The following MMP17 variants were observed in gnomAD, a reference collection of about 807,000 sequenced individuals.
MMP17 encodes the protein matrix metallopeptidase 17.
MMP17 carries 54 observed loss-of-function variants against 49.1 expected under a neutral mutation model. That is an observed-to-expected ratio of 1.10 (90% CI 0.88 to 1.38). MMP17 has a LOEUF of 1.38. Among genes scored for constraint, MMP17 ranks in the 40% most tolerant of loss-of-function variants. The probability of loss-of-function intolerance (pLI) is 0.00; values close to 1 mark genes in which losing one functional copy is unlikely to be tolerated. For missense variants in MMP17, 837 were observed against 853.7 expected (o/e 0.98, Z 0.24); for synonymous variants, 397 against 383.1 (o/e 1.04, Z -0.42).
At position 131,841,760 on chromosome 12, in the gene MMP17, G is replaced by T. The variant is rs773988551; in HGVS notation, c.843G>T (p.Gly281=). The T allele has an allele frequency of 1.2e-6, 2 of 1,611,412 alleles. No individual in the cohort carries two copies. Among genetic ancestry groups the T allele is most frequent in the South Asian group, 1.1e-5 (1 of 90,852 alleles). ...QGPVGDPLRY[G]LPYEDKVRVW... ...CGGTGGGTGACCCGCTGCGCTACGGGCTCCCCTACGAGGACAAGGTGCGCG... is the reference window on the plus strand; with the variant it reads ...CGGTGGGTGACCCGCTGCGCTACGGTCTCCCCTACGAGGACAAGGTGCGCG... The change falls in exon 5 of 10, where the codon GGG becomes GGT. Residue 281 remains glycine, a synonymous_variant. Coordinates refer to ENST00000360564, the MANE Select transcript of MMP17 (RefSeq NM_016155.7).
chr12:131,842,908 G>A (rs1179074256), intron 5 of MMP17, among the ~76,000 whole-genome samples: 8 of 152,164 alleles, frequency 5.3e-5, no homozygotes, highest in South Asian at 4.2e-4. Flanking sequence ...AAGGAGACCC[G>A]ACGCCCATCC....
At chr12:131,831,838 C>T (rs1379288967) in intron 1 of MMP17, among the ~76,000 whole-genome samples, 2 of 12,430 alleles carry the variant, frequency 1.6e-4, no homozygotes, top group African/African-American at 4.3e-4. Flanking sequence ...TGGGGGGGGA[C>T]GGGAAGGGGG....
intron 8 of MMP17, among the ~76,000 whole-genome samples, chr12:131,848,381 C>G (rs890330044): frequency 7.2e-5 from 11 of 152,314 alleles, no homozygotes; most frequent in African/African-American, 2.6e-4. Flanking sequence ...CCACCACTCC[C>G]GGTCTGGTTT....
chr12:131,832,954 G>C (rs957728078), intron 1 of MMP17, among the ~76,000 whole-genome samples: 1 of 152,034 alleles, frequency 6.6e-6, no homozygotes, highest in African/African-American at 2.4e-5. Context: ...GTGTCCCCCA[G>C]GATGTTCCCT....
At chr12:131,840,446 G>A (rs1185246570) in intron 3 of MMP17, 127 bp from the exon 4 acceptor site, 9 of 971,880 alleles carry the variant, frequency 9.3e-6, no homozygotes, top group African/African-American at 6.5e-5. Context: ...GCGTGGGGAG[G>A]AAGGCGGAAG....
chr12:131,829,245 T>C (rs1361148095), intron 1 of MMP17, among the ~76,000 whole-genome samples: 3 of 152,168 alleles, frequency 2.0e-5, no homozygotes, highest in Non-Finnish European at 4.4e-5. Flanking sequence ...TCGGCCAGGC[T>C]GGCCCTGCCT....
intron 1 of MMP17, among the ~76,000 whole-genome samples, chr12:131,833,377 T>G (rs1886922998): frequency 6.6e-6 from 1 of 152,236 alleles, no homozygotes; most frequent in Admixed American, 6.5e-5. Context: ...TTCCTCACGA[T>G]CCCGTCTTCC....
rs778093008 is a variant in MMP17, at chr12:131,841,820, C to T, written c.883+20C>T. ...TGTACGGTGAGTGTCTCCCCGAAGC[C>T]AGACACAGGGCCCCTGGAAGAGGGG... On this transcript the variant is annotated intron_variant, in intron 5 of 9. Transcript: ENST00000360564. The T allele has an allele frequency of 6.8e-5, 106 of 1,550,848 alleles. No homozygotes were observed. Among genetic ancestry groups the T allele is most frequent in the Non-Finnish European group, 8.7e-5 (100 of 1,150,886 alleles).
rs1213834708 is a variant in MMP17 at position 131,845,103 on chromosome 12, G to A, written c.969-15G>A. 3 of 1,598,518 alleles carry A rather than the reference G, an allele frequency of 1.9e-6. No homozygotes were observed. The South Asian group carries it at 3.3e-5, about 18-fold the overall frequency. On this transcript the variant is annotated splice_polypyrimidine_tract_variant and intron_variant, in intron 6 of 9. Coordinates refer to ENST00000360564, the MANE Select transcript of MMP17 (RefSeq NM_016155.7). ...CAGGCCCCGCCTCCCAGCCCACCTG[G>A]CTCTCTCCCTGCAGGCCCAGGAAGG...
At position 131,841,787 on chromosome 12, in the gene MMP17, C is replaced by T; in HGVS notation, c.870C>T (p.Val290=). ...TCCCCTACGAGGACAAGGTGCGCGT[C>T]TGGCAGCTGTACGGTGAGTGTCTCC... is the stretch of plus-strand genomic sequence containing the variant. ...YGLPYEDKVR[V]WQLYGVRESV... is the part of the protein sequence containing the mutation. The change falls in exon 5 of 10, where the codon GTC becomes GTT. Residue 290 remains valine, a synonymous_variant. Coordinates refer to ENST00000360564, the MANE Select transcript of MMP17 (RefSeq NM_016155.7). The T allele has an allele frequency of 6.3e-7, 1 of 1,599,270 alleles. No individual in the cohort carries two copies. The highest frequency in any genetic ancestry group is 8.5e-7 in the Non-Finnish European group (1 of 1,174,318).
At position 131,838,276 on chromosome 12, in the gene MMP17, G is replaced by T; in HGVS notation, c.241G>T (p.Ala81Ser). 1.2e-6 allele frequency: 2 copies of T among 1,613,280 alleles called. No homozygotes were observed. The highest frequency in any genetic ancestry group is 8.5e-7 in the Non-Finnish European group (1 of 1,179,986). ...GCAGACGCAAGAGGAGCTGTCTAAG[G>T]CCATCACAGCCATGCAGCAGTTTGG... Reference protein sequence around the residue: ...QLQTQEELSKAITAMQQFGGL... With the variant: ...QLQTQEELSKSITAMQQFGGL... Residue 81 changes from alanine to serine, a missense_variant, in exon 2 of 10, where the codon GCC (alanine) becomes TCC (serine). By Grantham distance (99) the Ala-to-Ser change is moderately conservative (BLOSUM62 1). Coordinates refer to ENST00000360564, the MANE Select transcript of MMP17 (RefSeq NM_016155.7).
intron 1 of MMP17, among the ~76,000 whole-genome samples, chr12:131,831,833 G>GCACTGCA: frequency 1.6e-5 from 1 of 61,576 alleles, no homozygotes; most frequent in Non-Finnish European, 3.3e-5. Context: ...GGATCTGGGG[G>GCACTGCA]GGGACGGGAA....
chr12:131,829,663 G>C (rs1566079348), intron 1 of MMP17, among the ~76,000 whole-genome samples: 1 of 152,232 alleles, frequency 6.6e-6, no homozygotes, highest in Non-Finnish European at 1.5e-5. Context: ...GCCCAGCGCA[G>C]TGGACATTCA....
At position 131,850,072 on chromosome 12, in the gene MMP17, TG is replaced by T; in HGVS notation, c.1462+19del. On this transcript the variant is annotated intron_variant, in intron 9 of 9. Coordinates refer to ENST00000360564, the MANE Select transcript of MMP17 (RefSeq NM_016155.7). ...CGCTGGTCCGACGGTGAGTGCCAGC[TG>T]GGGGGACGGGCCATGCGGCCTTGGT... 1.2e-6 allele frequency: 2 copies of T among 1,600,116 alleles called. No individual in the cohort carries two copies. The highest frequency in any genetic ancestry group is 1.1e-5 in the South Asian group (1 of 90,186).
chr12:131,840,594 C>G lies in MMP17; in HGVS notation c.444C>G (p.Asp148Glu), dbSNP rs779236828. 6 of 1,596,852 alleles carry G rather than the reference C, an allele frequency of 3.8e-6. No individual in the cohort carries two copies. Residue 148 changes from aspartate to glutamate, a missense_variant, in exon 4 of 10, where the codon GAC becomes GAG. By Grantham distance (45) the Asp-to-Glu change is conservative. Coordinates refer to ENST00000360564, the MANE Select transcript of MMP17 (RefSeq NM_016155.7). ...LSWRVRTFPR[D>E]SPLGHDTVRA... ...GCAGGGTCCGGACGTTCCCACGGGA[C>G]TCACCACTGGGGCACGACACGGTGC... is the stretch of plus-strand genomic sequence containing the variant.
Position 131,843,998 on chromosome 12 carries a change from T to G in MMP17, c.885T>G (p.Gly295=), listed in dbSNP as rs1887559937. The stretch of plus-strand genomic sequence containing the variant: ...CGTCCTCCTCCTTGTCTCCCGCAGG[T>G]GTGCGGGAGTCTGTGTCTCCCACGG... ...EDKVRVWQLY[G]VRESVSPTAQ... Residue 295 remains glycine, a splice_region_variant and synonymous_variant, in exon 6 of 10, where the codon GGT becomes GGG. Coordinates refer to ENST00000360564, the MANE Select transcript of MMP17 (RefSeq NM_016155.7). 2 of 1,552,684 alleles carry G rather than the reference T, an allele frequency of 1.3e-6. No individual in the cohort carries two copies. The highest frequency in any genetic ancestry group is 3.9e-5 in the Admixed American group (2 of 51,930).
At position 131,836,778 on chromosome 12, in the gene MMP17, G is replaced by C. The variant is rs1009797790; in HGVS notation, c.160-1417G>C. 2.6e-5 allele frequency among the ~76,000 whole-genome samples: 4 copies of C among 152,276 alleles called. No homozygotes were observed. In the South Asian group the frequency reaches 8.3e-4, roughly 32 times the overall value. On this transcript the variant is annotated intron_variant, in intron 1 of 9. Coordinates refer to ENST00000360564, the MANE Select transcript of MMP17 (RefSeq NM_016155.7). ...GCCTCACCCCTGCTGTGGTTCCCTG[G>C]GCTGGCGAGTATCCACAGGGCAGAG...
At chr12:131,844,162 G>A (rs1887573619) in intron 6 of MMP17, 81 bp downstream of exon 6, 11 of 1,212,548 alleles carry the variant, frequency 9.1e-6, no homozygotes, top group African/African-American at 1.5e-5. Flanking sequence ...GCCCCAAATC[G>A]TGGCTCAGAG....
intron 8 of MMP17, among the ~76,000 whole-genome samples, chr12:131,848,575 G>GCCCCTGGGCAGCCCCGCCCCT (rs1887819782): frequency 2.9e-5 from 4 of 136,286 alleles, no homozygotes; most frequent in Non-Finnish European, 4.7e-5. Flanking sequence ...GCCCCGCCCC[G>GCCCCTGGGCAGCCCCGCCCCT]CCCCTGGGCA....
Sources: allele counts gnomAD v4.1 joint callset (sites outside exome capture counted in the v4.1 genomes callset), GRCh38; gene constraint gnomAD v4.1.1; transcripts MANE v1.5; gene names NCBI Gene and HGNC (gene_info 2026-07-23, HGNC 2026-07-21).